Variants in PFN3 observed in about 807,000 individuals in gnomAD.
The protein encoded by PFN3 is profilin-3.
PFN3 carries 7 observed loss-of-function variants against 6.2 expected under a neutral mutation model. That is an observed-to-expected ratio of 1.13 (90% CI 0.64 to 2.13). The LOEUF is 2.13. Among genes scored for constraint, PFN3 ranks in the 30% most tolerant of loss-of-function variants. The pLI is 0.00. For synonymous variants in PFN3, 112 were observed against 97.7 expected (o/e 1.15, Z -0.87); for missense variants, 251 against 209.3 (o/e 1.20, Z -1.23).
Position 177,400,612 on chromosome 5 carries a change from C to G in PFN3, c.-36G>C. ...GTGCGCCCAGCCGCCTCGCACCTCT[C>G]GGGGAAATATAGAGGCGCCACGCGG... On this transcript the variant is annotated 5_prime_UTR_variant, in exon 1 of 1. Transcript: ENST00000358571. 1.3e-6 allele frequency: 2 copies of G among 1,579,532 alleles called. No homozygotes were observed. Among genetic ancestry groups the G allele is most frequent in the Non-Finnish European group, 1.7e-6 (2 of 1,171,332 alleles).
At position 177,400,155 on chromosome 5, in the gene PFN3, C is replaced by T; in HGVS notation, c.*8G>A. On this transcript the variant is annotated 3_prime_UTR_variant, in exon 1 of 1. Transcript: ENST00000358571. ...CCCGCGCTACCAGTGGGCGGCCTGG[C>T]TGGCCGGCTAGGCGCCCTGCATGCG... 1 of 1,610,446 alleles carries T rather than the reference C, an allele frequency of 6.2e-7. No individual in the cohort carries two copies. Among genetic ancestry groups the T allele is most frequent in the Non-Finnish European group, 8.5e-7 (1 of 1,178,924 alleles).
chr5:177,400,274 GC>G lies in PFN3; in HGVS notation c.302del (p.Gly101AlafsTer10). The G allele has an allele frequency of 1.2e-6, 2 of 1,604,284 alleles. No homozygotes were observed. Among genetic ancestry groups the G allele is most frequent in the Non-Finnish European group, 1.7e-6 (2 of 1,176,008 alleles). On this transcript the variant is annotated frameshift_variant, in exon 1 of 1. Coordinates refer to ENST00000358571, the MANE Select transcript of PFN3 (RefSeq NM_001029886.3). LOFTEE classifies it high-confidence loss of function. ...GCACCAGGAGCGCGCGCGGCGCACG[GC>G]CCACGCACACGGCGCGCGCGTCCAG... ...KGLDARAVCV[G>X]RAPRALLVLM...
Position 177,400,360 on chromosome 5 carries a change from CG to C in PFN3, c.216del (p.Cys72TrpfsTer39). Reference protein sequence around the residue: ...AGLSVGGRRCCVIRDHLLAEG... With the variant: ...AGLSVGGRRCXVIRDHLLAEG... ...TCGGCCAGCAGGTGGTCGCGGATGACGCAGCAGCGGCGGCCCCCCACGCTCA... is the reference window on the plus strand; with the variant it reads ...TCGGCCAGCAGGTGGTCGCGGATGACCAGCAGCGGCGGCCCCCCACGCTCA... On this transcript the variant is annotated frameshift_variant, in exon 1 of 1. Transcript: ENST00000358571. LOFTEE classifies it high-confidence loss of function. 1 of 1,536,704 alleles carries C rather than the reference CG, an allele frequency of 6.5e-7. No individual in the cohort carries two copies. Among genetic ancestry groups the C allele is most frequent in the Non-Finnish European group, 8.8e-7 (1 of 1,142,092 alleles).
Position 177,400,281 on chromosome 5 carries a change from C to T in PFN3, c.296G>A (p.Cys99Tyr). 7 of 1,600,068 alleles carry T rather than the reference C, an allele frequency of 4.4e-6. No homozygotes were observed. Among genetic ancestry groups the T allele is most frequent in the Non-Finnish European group, 6.0e-6 (7 of 1,174,096 alleles). The change falls in exon 1 of 1, where the codon TGC becomes TAC. Residue 99 changes from cysteine to tyrosine, a missense_variant. Transcript: ENST00000358571. ...RTKGLDARAV[C>Y]VGRAPRALLV... is the part of the protein sequence containing the mutation. ...GAGCGCGCGCGGCGCACGGCCCACG[C>T]ACACGGCGCGCGCGTCCAGCCCCTT...
Position 177,400,468 on chromosome 5 carries a change from C to T in PFN3, c.109G>A (p.Gly37Arg), listed in dbSNP as rs111609064. ...GGCGAGATGGCCGCCAGCAGGCCCC[C>T]GGGCCGCGAAGCCCACACGCAGCTG... ...DNSCVWASRP[G>R]GLLAAISPQE... The change falls in exon 1 of 1, where the codon GGG becomes AGG. Residue 37 changes from glycine to arginine, a missense_variant. By Grantham distance (125) the Gly-to-Arg change is moderately radical. Transcript: ENST00000358571. 3.2e-6 allele frequency: 5 copies of T among 1,573,572 alleles called. No individual in the cohort carries two copies. Among genetic ancestry groups the T allele is most frequent in the South Asian group, 1.1e-5 (1 of 87,586 alleles).
rs1474063347 is a variant in PFN3 at position 177,400,412 on chromosome 5, G to C, written c.165C>G (p.Asp55Glu). 6.5e-7 allele frequency: 1 copy of C among 1,540,580 alleles called. No homozygotes were observed. Among genetic ancestry groups the C allele is most frequent in the East Asian group, 2.4e-5 (1 of 40,894 alleles). The stretch of plus-strand genomic sequence containing the variant: ...GGCCCGCCTGCAGGAAGGTGTGCCT[G>C]TCCGGCCCCGTGAGCACGCCCACCT... ...PQEVGVLTGP[D>E]RHTFLQAGLS... Residue 55 changes from aspartate (D) to glutamate (E), a missense_variant, in exon 1 of 1, where the codon GAC (aspartate) becomes GAG (glutamate). Physicochemically the swap from Asp to Glu is conservative, Grantham distance 45. Transcript: ENST00000358571.
In PFN3 at chr5:177,400,179, C is replaced by A. The variant is rs986365567; in HGVS notation, c.398G>T (p.Arg133Leu). Residue 133 changes from arginine (R) to leucine (L), a missense_variant, in exon 1 of 1, where the codon CGC becomes CTC. Arg to Leu is a moderately radical substitution (Grantham distance 102, BLOSUM62 -2). Transcript: ENST00000358571. The part of the protein sequence containing the change: ...KTVHELIRGL[R>L]MQGA The stretch of plus-strand genomic sequence containing the variant: ...GCTGGCCGGCTAGGCGCCCTGCATG[C>A]GCAGCCCGCGTATGAGTTCGTGCAC... 1 of 1,611,652 alleles carries A rather than the reference C, an allele frequency of 6.2e-7. No homozygotes were observed. Among genetic ancestry groups the A allele is most frequent in the Non-Finnish European group, 8.5e-7 (1 of 1,179,456 alleles).
Position 177,400,475 on chromosome 5 carries a change from C to T in PFN3, c.102G>A (p.Ser34=). 1 of 1,581,004 alleles carries T rather than the reference C, an allele frequency of 6.3e-7. No homozygotes were observed. The highest frequency in any genetic ancestry group is 8.5e-7 in the Non-Finnish European group (1 of 1,171,470). The change falls in exon 1 of 1, where the codon TCG becomes TCA. Residue 34 remains serine, a synonymous_variant. Transcript: ENST00000358571. Reference sequence around the variant, plus strand: ...TGGCCGCCAGCAGGCCCCCGGGCCGCGAAGCCCACACGCAGCTGTTGTCCG... The same window carrying T: ...TGGCCGCCAGCAGGCCCCCGGGCCGTGAAGCCCACACGCAGCTGTTGTCCG... ...GHADNSCVWA[S]RPGGLLAAIS...
chr5:177,400,371 C>A lies in PFN3; in HGVS notation c.206G>T (p.Arg69Leu). 5.9e-6 allele frequency: 9 copies of A among 1,536,004 alleles called. No individual in the cohort carries two copies. Among genetic ancestry groups the A allele is most frequent in the African/African-American group, 1.4e-5 (1 of 71,614 alleles). The change falls in exon 1 of 1, where the codon CGC becomes CTC. Residue 69 changes from arginine (R) to leucine (L), a missense_variant. Transcript: ENST00000358571. ...GTGGTCGCGGATGACGCAGCAGCGG[C>A]GGCCCCCCACGCTCAGGCCCGCCTG... ...FLQAGLSVGG[R>L]RCCVIRDHLL...
rs1581653414 is a variant in PFN3 at position 177,400,573 on chromosome 5, C to T, written c.4G>A (p.Gly2Ser). 3 of 1,593,894 alleles carry T rather than the reference C, an allele frequency of 1.9e-6. No homozygotes were observed. The highest frequency in any genetic ancestry group is 2.2e-5 in the South Asian group (2 of 90,738). The change falls in exon 1 of 1, where the codon GGC becomes AGC. Residue 2 changes from glycine to serine, a missense_variant. Physicochemically the swap from Gly to Ser is moderately conservative, Grantham distance 56 (BLOSUM62 0). Coordinates refer to ENST00000358571, the MANE Select transcript of PFN3 (RefSeq NM_001029886.3). M[G>S]DWKVYISAVL... ...GCACTGATGTAGACCTTCCAGTCGC[C>T]CATCGCGCTCCGAGTGCGCCCAGCC... is the stretch of plus-strand genomic sequence containing the variant.
In PFN3 at chr5:177,400,385, C is replaced by G; in HGVS notation, c.192G>C (p.Leu64=). ...PDRHTFLQAG[L]SVGGRRCCVI... Reference sequence around the variant, plus strand: ...CGCAGCAGCGGCGGCCCCCCACGCTCAGGCCCGCCTGCAGGAAGGTGTGCC... The same window carrying G: ...CGCAGCAGCGGCGGCCCCCCACGCTGAGGCCCGCCTGCAGGAAGGTGTGCC... The change falls in exon 1 of 1, where the codon CTG becomes CTC. Residue 64 remains leucine, a synonymous_variant. Coordinates refer to ENST00000358571, the MANE Select transcript of PFN3 (RefSeq NM_001029886.3). The G allele has an allele frequency of 6.5e-7, 1 of 1,539,828 alleles. No homozygotes were observed. The highest frequency in any genetic ancestry group is 8.7e-7 in the Non-Finnish European group (1 of 1,144,066).
At position 177,400,277 on chromosome 5, in the gene PFN3, C is replaced by T. The variant is rs1463818621; in HGVS notation, c.300G>A (p.Val100=). The T allele has an allele frequency of 6.2e-7, 1 of 1,602,848 alleles. No individual in the cohort carries two copies. Among genetic ancestry groups the T allele is most frequent in the East Asian group, 2.3e-5 (1 of 44,206 alleles). ...TKGLDARAVC[V]GRAPRALLVL... Reference sequence around the variant, plus strand: ...CCAGGAGCGCGCGCGGCGCACGGCCCACGCACACGGCGCGCGCGTCCAGCC... The same window carrying T: ...CCAGGAGCGCGCGCGGCGCACGGCCTACGCACACGGCGCGCGCGTCCAGCC... The change falls in exon 1 of 1, where the codon GTG becomes GTA. Residue 100 remains valine, a synonymous_variant. Coordinates refer to ENST00000358571, the MANE Select transcript of PFN3 (RefSeq NM_001029886.3).
chr5:177,400,325 G>T lies in PFN3; in HGVS notation c.252C>A (p.Gly84=). The T allele has an allele frequency of 6.5e-7, 1 of 1,550,110 alleles. No homozygotes were observed. Among genetic ancestry groups the T allele is most frequent in the South Asian group, 1.2e-5 (1 of 84,600 alleles). Residue 84 remains glycine (G), a synonymous_variant, in exon 1 of 1, where the codon GGC becomes GGA. Transcript: ENST00000358571. Reference sequence around the variant, plus strand: ...GCCCCTTGGTGCGTGCGTCCAGCACGCCGTCACCCTCGGCCAGCAGGTGGT... The same window carrying T: ...GCCCCTTGGTGCGTGCGTCCAGCACTCCGTCACCCTCGGCCAGCAGGTGGT... The part of the protein sequence containing the change: ...IRDHLLAEGD[G]VLDARTKGLD...
rs375040062 is a variant in PFN3, at chr5:177,400,417, G to A, written c.160C>T (p.Pro54Ser). The change falls in exon 1 of 1, where the codon CCG (proline) becomes TCG (serine). Residue 54 changes from proline (P) to serine (S), a missense_variant. Coordinates refer to ENST00000358571, the MANE Select transcript of PFN3 (RefSeq NM_001029886.3). ...GCCTGCAGGAAGGTGTGCCTGTCCG[G>A]CCCCGTGAGCACGCCCACCTCCTGC... ...SPQEVGVLTG[P>S]DRHTFLQAGL... 43 of 1,541,250 alleles carry A rather than the reference G, an allele frequency of 2.8e-5. No homozygotes were observed. Among genetic ancestry groups the A allele is most frequent in the South Asian group, 1.4e-4 (12 of 84,602 alleles).
rs749111509 is a variant in PFN3, at chr5:177,400,132, C to G, written c.*31G>C. ...CGCCCAGGTCACAGTTTATTTGGCC[C>G]GCGCTACCAGTGGGCGGCCTGGCTG... On this transcript the variant is annotated 3_prime_UTR_variant, in exon 1 of 1. Coordinates refer to ENST00000358571, the MANE Select transcript of PFN3 (RefSeq NM_001029886.3). The G allele has an allele frequency of 6.2e-7, 1 of 1,606,540 alleles. No homozygotes were observed. The highest frequency in any genetic ancestry group is 1.7e-5 in the Admixed American group (1 of 58,858).
chr5:177,400,285 C>A lies in PFN3; in HGVS notation c.292G>T (p.Val98Leu), dbSNP rs1763094980. 6.3e-7 allele frequency: 1 copy of A among 1,594,622 alleles called. No homozygotes were observed. Among genetic ancestry groups the A allele is most frequent in the Non-Finnish European group, 8.5e-7 (1 of 1,171,696 alleles). ...GCGCGCGGCGCACGGCCCACGCACA[C>A]GGCGCGCGCGTCCAGCCCCTTGGTG... is the stretch of plus-strand genomic sequence containing the variant. ...ARTKGLDARA[V>L]CVGRAPRALL... The change falls in exon 1 of 1, where the codon GTG becomes TTG. Residue 98 changes from valine (V) to leucine (L), a missense_variant. Val to Leu is a conservative substitution (Grantham distance 32). Coordinates refer to ENST00000358571, the MANE Select transcript of PFN3 (RefSeq NM_001029886.3).
At position 177,400,474 on chromosome 5, in the gene PFN3, G is replaced by A. The variant is rs751417721; in HGVS notation, c.103C>T (p.Arg35Trp). 8 of 1,579,572 alleles carry A rather than the reference G, an allele frequency of 5.1e-6. No homozygotes were observed. Among genetic ancestry groups the A allele is most frequent in the South Asian group, 3.4e-5 (3 of 88,254 alleles). The change falls in exon 1 of 1, where the codon CGG becomes TGG. Residue 35 changes from arginine (R) to tryptophan (W), a missense_variant. By Grantham distance (101) the Arg-to-Trp change is moderately radical. Transcript: ENST00000358571. ...HADNSCVWAS[R>W]PGGLLAAISP... is the part of the protein sequence containing the mutation. Reference sequence around the variant, plus strand: ...ATGGCCGCCAGCAGGCCCCCGGGCCGCGAAGCCCACACGCAGCTGTTGTCC... The same window carrying A: ...ATGGCCGCCAGCAGGCCCCCGGGCCACGAAGCCCACACGCAGCTGTTGTCC...
chr5:177,400,320 A>C lies in PFN3; in HGVS notation c.257T>G (p.Leu86Arg). The C allele has an allele frequency of 6.4e-7, 1 of 1,556,896 alleles. No homozygotes were observed. The highest frequency in any genetic ancestry group is 8.7e-7 in the Non-Finnish European group (1 of 1,153,562). ...DHLLAEGDGV[L>R]DARTKGLDAR... ...GTCCAGCCCCTTGGTGCGTGCGTCC[A>C]GCACGCCGTCACCCTCGGCCAGCAG... The change falls in exon 1 of 1, where the codon CTG becomes CGG. Residue 86 changes from leucine (L) to arginine (R), a missense_variant. Transcript: ENST00000358571.
At position 177,400,295 on chromosome 5, in the gene PFN3, G is replaced by C; in HGVS notation, c.282C>G (p.Asp94Glu). The C allele has an allele frequency of 2.5e-6, 4 of 1,588,292 alleles. No individual in the cohort carries two copies. Among genetic ancestry groups the C allele is most frequent in the Non-Finnish European group, 3.4e-6 (4 of 1,168,794 alleles). ...CACGGCCCACGCACACGGCGCGCGC[G>C]TCCAGCCCCTTGGTGCGTGCGTCCA... ...GVLDARTKGL[D>E]ARAVCVGRAP... Residue 94 changes from aspartate to glutamate, a missense_variant, in exon 1 of 1, where the codon GAC becomes GAG. Physicochemically the swap from Asp to Glu is conservative, Grantham distance 45. Coordinates refer to ENST00000358571, the MANE Select transcript of PFN3 (RefSeq NM_001029886.3).
Sources: allele counts gnomAD v4.1 joint callset, GRCh38; gene constraint gnomAD v4.1.1; transcripts MANE v1.5; gene names NCBI Gene and HGNC (gene_info 2026-07-23, HGNC 2026-07-21).